SCARB1: variants seen among roughly 807,000 people sequenced by gnomAD.
SCARB1 encodes scavenger receptor class B member 1.
In SCARB1, 30 loss-of-function variants were observed where a neutral mutation model predicts 57.2. The ratio of observed to expected loss-of-function variants is 0.52; its 90% CI spans 0.39 to 0.71. The LOEUF is 0.71. Ranked by LOEUF, SCARB1 falls within the 30% of genes least tolerant of loss-of-function variation. The pLI is 0.00. For synonymous variants in SCARB1, 249 were observed against 268.3 expected, an observed-to-expected ratio of 0.93 and a Z score of 0.70; for missense variants, 543 against 671.2, an observed-to-expected ratio of 0.81 and a Z score of 2.11.
chr12:124,857,006 C>T (rs1952662676), intron 1 of SCARB1, among the ~76,000 whole-genome samples: 2 of 152,312 alleles, frequency 1.3e-5, no homozygotes, highest in African/African-American at 4.8e-5. Context: ...CTGCTGTTCC[C>T]TGGTGATGCA....
intron 5 of SCARB1, 40 bp downstream of exon 5, chr12:124,811,830 C>T (rs1250415087): frequency 2.0e-6 from 3 of 1,474,058 alleles, no homozygotes; most frequent in South Asian, 2.4e-5. Flanking sequence ...CCACCCTCCC[C>T]TCTCCCTGGC....
At chr12:124,848,054 C>G (rs954432859) in intron 1 of SCARB1, among the ~76,000 whole-genome samples, 1 of 152,148 alleles carries the variant, frequency 6.6e-6, no homozygotes, top group Non-Finnish European at 1.5e-5. Flanking sequence ...CATGAGGCAA[C>G]CAGACACAGC....
At chr12:124,782,959 G>T in intron 11 of SCARB1, 148 bp from the exon 12 acceptor site, 1 of 743,132 alleles carries the variant, frequency 1.3e-6, no homozygotes. Flanking sequence ...GCAGGTGGCT[G>T]AGATGTGGGG....
chr12:124,823,322 A>G (rs1361951219), intron 1 of SCARB1, among the ~76,000 whole-genome samples: 1 of 152,240 alleles, frequency 6.6e-6, no homozygotes, highest in African/African-American at 2.4e-5. Context: ...GCAAATGGGC[A>G]AACGACTTGA....
At chr12:124,828,204 T>C (rs1951240984) in intron 1 of SCARB1, among the ~76,000 whole-genome samples, 1 of 151,962 alleles carries the variant, frequency 6.6e-6, no homozygotes, top group South Asian at 2.1e-4. Context: ...ATGGATGAGA[T>C]GAAGATTTCA....
intron 8 of SCARB1, among the ~76,000 whole-genome samples, chr12:124,798,469 G>A (rs1472828492): frequency 6.6e-6 from 1 of 152,098 alleles, no homozygotes; most frequent in East Asian, 1.9e-4. Flanking sequence ...TGACGGACCT[G>A]GGGACACTAT....
rs547326871 is a variant in SCARB1, at chr12:124,812,843, G to A, written c.631-878C>T. ...TGTGTCTGTCACGTGCCCATGTGGA[G>A]CCAAGAATAACCAGAGCCACTACAA... On this transcript the variant is annotated intron_variant, in intron 4 of 12. Transcript: ENST00000261693. This position sits in a 1 kb window ranked among gnomAD's most constrained non-coding sequence, Gnocchi z 4.3. Among the ~76,000 whole-genome samples the A allele has an allele frequency of 5.9e-5, 9 of 152,254 alleles. No homozygotes were observed. The South Asian group carries it at 1.7e-3, about 28-fold the overall frequency.
chr12:124,847,001 T>C (rs1242884071), intron 1 of SCARB1, among the ~76,000 whole-genome samples: 3 of 152,142 alleles, frequency 2.0e-5, no homozygotes, highest in East Asian at 3.8e-4. Context: ...GGAGTGATAC[T>C]ATAAAAAGCA....
intron 2 of SCARB1, among the ~76,000 whole-genome samples, chr12:124,815,881 T>G (rs1950694632): frequency 6.6e-6 from 1 of 151,680 alleles, no homozygotes; most frequent in African/African-American, 2.4e-5. Context: ...AAAGTAGAAA[T>G]CAGATCGTGC....
intron 7 of SCARB1, among the ~76,000 whole-genome samples, chr12:124,804,139 G>A (rs78151723): frequency 0.033 from 5,085 of 152,286 alleles, 280 homozygotes; most frequent in African/African-American, 0.11. Flanking sequence ...TGTGACACAA[G>A]CCTGGCCAAT....
In SCARB1 at chr12:124,863,804, G is replaced by A. The variant is rs1953005305; in HGVS notation, c.-84C>T. 7.3e-7 allele frequency: 1 copy of A among 1,363,686 alleles called. No homozygotes were observed. The highest frequency in any genetic ancestry group is 9.4e-7 in the Non-Finnish European group (1 of 1,062,098). 84.5% of individuals were successfully genotyped at this position (1,363,686 alleles called of 1,614,324 possible). On this transcript the variant is annotated 5_prime_UTR_variant, in exon 1 of 13. Coordinates refer to ENST00000261693, the MANE Select transcript of SCARB1 (RefSeq NM_005505.5). ...GGACGGCGACAGAGACGACACAGGC[G>A]GGGACTCCGGGCACGCAGGCCGCAG...
intron 9 of SCARB1, among the ~76,000 whole-genome samples, chr12:124,792,422 C>T (rs1279801153): frequency 6.6e-6 from 1 of 151,982 alleles, no homozygotes; most frequent in Non-Finnish European, 1.5e-5. Flanking sequence ...CAGCTGCCCG[C>T]GTGAACTGTT....
chr12:124,846,566 T>C (rs1952161123), intron 1 of SCARB1, among the ~76,000 whole-genome samples: 1 of 151,944 alleles, frequency 6.6e-6, no homozygotes, highest in South Asian at 2.1e-4. Context: ...CTGGCCAACA[T>C]AGTGAAACCC....
chr12:124,857,067 G>A (rs886523717), intron 1 of SCARB1, among the ~76,000 whole-genome samples: 7 of 152,104 alleles, frequency 4.6e-5, no homozygotes, highest in African/African-American at 1.2e-4. Context: ...GGCACCCCCC[G>A]CCGCCCGCCT....
intron 1 of SCARB1, among the ~76,000 whole-genome samples, chr12:124,861,215 T>C (rs950689166): frequency 6.6e-6 from 1 of 152,198 alleles, no homozygotes; most frequent in Admixed American, 6.5e-5. Flanking sequence ...TAAAATGCTG[T>C]GGTATTTGCA....
At chr12:124,845,417 G>T (rs568057459) in intron 1 of SCARB1, among the ~76,000 whole-genome samples, 1 of 152,244 alleles carries the variant, frequency 6.6e-6, no homozygotes, top group African/African-American at 2.4e-5. Context: ...GTGCAGGGCC[G>T]GGCACGGTGG....
At position 124,817,044 on chromosome 12, in the gene SCARB1, GTGTGTA is replaced by G. The variant is rs1179111272; in HGVS notation, c.284+500_284+505del. Among the ~76,000 whole-genome samples, 64 of 138,482 alleles carry G rather than the reference GTGTGTA, an allele frequency of 4.6e-4. No homozygotes were observed. Among genetic ancestry groups the G allele is most frequent in the African/African-American group, 1.4e-3 (54 of 37,962 alleles). The allele number at this position is 138,482 out of a possible 152,430, so 90.8% of individuals were successfully genotyped here. A position where few individuals can be genotyped will look rare whatever the true frequency, so the allele number is the denominator to read the frequency against. ...CATGTGTGTGTGTGTGTGTGTGTGT[GTGTGTA>G]TGTGTGTATGCATGTGTAGGTACAT... On this transcript the variant is annotated intron_variant, in intron 2 of 12. Transcript: ENST00000261693. This position sits in a 1 kb window ranked among gnomAD's most constrained non-coding sequence, Gnocchi z 4.8.
chr12:124,814,527 T>C lies in SCARB1; in HGVS notation c.427-122A>G, dbSNP rs1195612715. 8 of 1,040,576 alleles carry C rather than the reference T, an allele frequency of 7.7e-6. No homozygotes were observed. In the Admixed American group the frequency reaches 1.6e-4, roughly 20 times the overall value. The allele number at this position is 1,040,576 out of a possible 1,614,324, so 64.5% of individuals were successfully genotyped here. A position where few individuals can be genotyped will look rare whatever the true frequency, so the allele number is the denominator to read the frequency against. ...GAAATGCTGGGGTGCAGGAGGCCCC[T>C]GGAGTGGCCACGTGGGGCATCTGGG... On this transcript the variant is annotated intron_variant, in intron 3 of 12. Transcript: ENST00000261693. The surrounding 1 kb of genome is among the most constrained non-coding windows in gnomAD (Gnocchi z 4.7).
chr12:124,782,977 G>C, intron 11 of SCARB1, 166 bp from the exon 12 acceptor site: 2 of 663,636 alleles, frequency 3.0e-6, no homozygotes, highest in East Asian at 5.6e-5. Flanking sequence ...GGGAGCTGCC[G>C]CTCTTAGACA....
Sources: gnomAD v4.1 joint callset for allele counts (sites outside exome capture counted in the v4.1 genomes callset) on GRCh38, gnomAD v4.1.1 for gene constraint, Gnocchi (gnomAD v3.1) non-coding constraint, MANE v1.5 for transcripts, NCBI Gene and HGNC (gene_info 2026-07-23, HGNC 2026-07-21) for gene names.